Variants in EVI5 observed in about 807,000 individuals in gnomAD.
The protein encoded by EVI5 is ecotropic viral integration site 5.
EVI5 carries 73 observed loss-of-function variants against 112.0 expected under a neutral mutation model. The observed-to-expected ratio is 0.65, with a 90% confidence interval of 0.54 to 0.79. The LOEUF (loss-of-function observed/expected upper bound fraction) is 0.79, where lower values mean the gene tolerates loss of function less well. EVI5 is among the 30% of genes least tolerant of loss of function. The pLI is 0.00. For synonymous variants in EVI5, 305 were observed against 319.9 expected (o/e 0.95, Z 0.50); for missense variants, 900 against 968.8 (o/e 0.93, Z 0.94).
chr1:92,517,871 T>C (rs1660174684), intron 19 of EVI5, among the ~76,000 whole-genome samples: 1 of 147,502 alleles, frequency 6.8e-6, no homozygotes, highest in Non-Finnish European at 1.5e-5. Flanking sequence ...AAATTACACA[T>C]ACAATATTAT....
chr1:92,553,527 T>C (rs942303514), intron 19 of EVI5, among the ~76,000 whole-genome samples: 28 of 152,076 alleles, frequency 1.8e-4, no homozygotes, highest in African/African-American at 6.8e-4. Context: ...GTTCTCGAAC[T>C]CCTGATCTTG....
chr1:92,746,551 C>A (rs938545144), intron 1 of EVI5, among the ~76,000 whole-genome samples: 9 of 151,996 alleles, frequency 5.9e-5, no homozygotes, highest in African/African-American at 1.9e-4. Flanking sequence ...CATGGTGAAA[C>A]CCTGTCTCCA....
intron 18 of EVI5, among the ~76,000 whole-genome samples, chr1:92,575,900 A>G (rs894319735): frequency 1.3e-5 from 2 of 152,110 alleles, no homozygotes; most frequent in African/African-American, 4.8e-5. Context: ...TCATATTGTT[A>G]ATTTTTTGGA....
intron 9 of EVI5, among the ~76,000 whole-genome samples, chr1:92,685,822 A>G (rs911522664): frequency 6.6e-6 from 1 of 152,340 alleles, no homozygotes; most frequent in African/African-American, 2.4e-5. Flanking sequence ...TCCTGGAAAC[A>G]TACACCCTCC....
intron 13 of EVI5, among the ~76,000 whole-genome samples, chr1:92,662,317 T>C (rs1386470236): frequency 6.6e-6 from 1 of 152,224 alleles, no homozygotes; most frequent in Non-Finnish European, 1.5e-5. Flanking sequence ...TTCTGCATGC[T>C]GGATAATGTT....
intron 14 of EVI5, among the ~76,000 whole-genome samples, chr1:92,630,616 G>A (rs537520478): frequency 2.0e-5 from 3 of 152,140 alleles, no homozygotes; most frequent in African/African-American, 4.8e-5. Context: ...CATTCTGTAG[G>A]TTGCCTGTTC....
chr1:92,784,531 G>T, intron 1 of EVI5: 1 of 642,434 alleles, frequency 1.6e-6, no homozygotes, highest in Non-Finnish European at 1.9e-6. Flanking sequence ...GGATTTACGA[G>T]GACGTGCCCC....
chr1:92,770,321 T>C (rs1286334182), intron 1 of EVI5, among the ~76,000 whole-genome samples: 1 of 152,232 alleles, frequency 6.6e-6, no homozygotes, highest in Non-Finnish European at 1.5e-5. Flanking sequence ...AATATAAATG[T>C]ACTATACTTG....
At chr1:92,584,382 T>G (rs1031143027) in intron 18 of EVI5, among the ~76,000 whole-genome samples, 4 of 152,158 alleles carry the variant, frequency 2.6e-5, no homozygotes, top group African/African-American at 9.7e-5. Context: ...AACGCACATA[T>G]GAAGCAAAAT....
At chr1:92,696,820 T>C (rs1317622590) in intron 6 of EVI5, among the ~76,000 whole-genome samples, 1 of 152,132 alleles carries the variant, frequency 6.6e-6, no homozygotes, top group Admixed American at 6.5e-5. Context: ...GGGCGGTTCA[T>C]GAGGTCAGGA....
chr1:92,647,110 C>G (rs906472751), intron 13 of EVI5: 1 of 173,826 alleles, frequency 5.8e-6, no homozygotes, highest in Non-Finnish European at 1.3e-5. Flanking sequence ...ACTACTTCTT[C>G]CACCTTTTTC....
chr1:92,542,058 C>G (rs1239243971), intron 19 of EVI5, among the ~76,000 whole-genome samples: 1 of 152,152 alleles, frequency 6.6e-6, no homozygotes. Flanking sequence ...CTTCCTCACT[C>G]GGCCTTGCAT....
intron 18 of EVI5, among the ~76,000 whole-genome samples, chr1:92,587,615 C>T (rs1673028994): frequency 6.6e-6 from 1 of 152,216 alleles, no homozygotes; most frequent in African/African-American, 2.4e-5. Flanking sequence ...CTAGCACCCT[C>T]ATTCTATGTC....
At chr1:92,543,648 G>T (rs1665203078) in intron 19 of EVI5, among the ~76,000 whole-genome samples, 1 of 152,172 alleles carries the variant, frequency 6.6e-6, no homozygotes, top group Non-Finnish European at 1.5e-5. Context: ...CTGCCTCACA[G>T]CTTAATCATT....
intron 18 of EVI5, among the ~76,000 whole-genome samples, chr1:92,593,079 C>T (rs1039508931): frequency 6.6e-6 from 1 of 152,190 alleles, no homozygotes; most frequent in African/African-American, 2.4e-5. Flanking sequence ...ATGAGGCCAG[C>T]ATCATCCTGA....
chr1:92,643,875 A>G (rs1320038578), intron 13 of EVI5, among the ~76,000 whole-genome samples: 2 of 152,066 alleles, frequency 1.3e-5, no homozygotes, highest in Admixed American at 1.3e-4. Context: ...GTAACATGAA[A>G]GAGTTCATAG....
intron 1 of EVI5, among the ~76,000 whole-genome samples, chr1:92,790,514 T>G (rs1040749569): frequency 7.2e-6 from 1 of 138,076 alleles, no homozygotes; most frequent in Non-Finnish European, 1.5e-5. Context: ...CAAAACTGGT[T>G]TTTTTTTTTG....
intron 13 of EVI5, among the ~76,000 whole-genome samples, chr1:92,660,047 T>C (rs557936572): frequency 6.6e-6 from 1 of 152,002 alleles, no homozygotes; most frequent in African/African-American, 2.4e-5. Context: ...ACATAGAGCA[T>C]AGAATAATAG....
At chr1:92,542,500 T>C (rs1055429027) in intron 19 of EVI5, among the ~76,000 whole-genome samples, 1 of 152,224 alleles carries the variant, frequency 6.6e-6, no homozygotes, top group African/African-American at 2.4e-5. Context: ...CCTCCTCCCA[T>C]GAATCACAAA....
Sources: allele counts gnomAD v4.1 joint callset (sites outside exome capture counted in the v4.1 genomes callset), GRCh38; gene constraint gnomAD v4.1.1; transcripts MANE v1.5; gene names NCBI Gene and HGNC (gene_info 2026-07-23, HGNC 2026-07-21).